KIF20B: variants seen among roughly 807,000 people sequenced by gnomAD.
The protein encoded by KIF20B is kinesin family member 20B.
KIF20B carries 188 observed loss-of-function variants against 232.5 expected under a neutral mutation model. That is an observed-to-expected ratio of 0.81 (90% CI 0.72 to 0.91). The LOEUF (loss-of-function observed/expected upper bound fraction) is 0.91. KIF20B is among the 40% of genes least tolerant of loss of function. The pLI is 0.00. For missense variants in KIF20B, 2,154 were observed against 2,055.9 expected, an observed-to-expected ratio of 1.05 and a Z score of -0.92; for synonymous variants, 712 against 683.0, an observed-to-expected ratio of 1.04 and a Z score of -0.66.
At position 89,752,610 on chromosome 10, in the gene KIF20B, A is replaced by C; in HGVS notation, c.4266A>C (p.Lys1422Asn). The change falls in exon 25 of 33, where the codon AAA becomes AAC. Residue 1422 changes from lysine to asparagine, a missense_variant. By Grantham distance (94) the Lys-to-Asn change is moderately conservative (BLOSUM62 0). Coordinates refer to ENST00000371728, the MANE Select transcript of KIF20B (RefSeq NM_001284259.2). ...WKEKCNDLET[K>N]NNQRSNKEHE... ...AAAAATGCAATGATTTGGAAACCAA[A>C]AACAATCAAAGGTCAAATAAAGAAC... The C allele has an allele frequency of 6.2e-7, 1 of 1,606,292 alleles. No homozygotes were observed. Among genetic ancestry groups the C allele is most frequent in the Non-Finnish European group, 8.5e-7 (1 of 1,176,470 alleles).
intron 31 of KIF20B, 37 bp downstream of exon 31, chr10:89,768,925 A>G: frequency 6.6e-7 from 1 of 1,523,648 alleles, no homozygotes; most frequent in Non-Finnish European, 8.9e-7. Flanking sequence ...TTTTTTTGTT[A>G]GATGTTGGGT....
intron 2 of KIF20B, among the ~76,000 whole-genome samples, chr10:89,708,220 T>C (rs941416007): frequency 5.9e-5 from 9 of 152,158 alleles, no homozygotes; most frequent in Non-Finnish European, 1.0e-4. Context: ...TTGTATTTTT[T>C]TTTTTTTTGA....
At chr10:89,707,531 C>G (rs185414709) in intron 2 of KIF20B, among the ~76,000 whole-genome samples, 17 of 148,428 alleles carry the variant, frequency 1.1e-4, no homozygotes, top group Non-Finnish European at 1.3e-4. Context: ...TTTCTTTCCC[C>G]TCCTCTCCCC....
At chr10:89,731,412 T>C (rs1270868687) in intron 18 of KIF20B, among the ~76,000 whole-genome samples, 2 of 152,216 alleles carry the variant, frequency 1.3e-5, no homozygotes, top group African/African-American at 4.8e-5. Flanking sequence ...GTGTGCTAAA[T>C]TTAAATTGTT....
intron 26 of KIF20B, among the ~76,000 whole-genome samples, chr10:89,757,038 GTGTATATATATATA>G (rs1316104089): frequency 1.3e-5 from 1 of 79,074 alleles, no homozygotes; most frequent in African/African-American, 4.1e-5. Context: ...GTGTGTGTGT[GTGTATATATATATA>G]TATATATATA....
chr10:89,733,143 C>T, intron 19 of KIF20B, 87 bp downstream of exon 19: 1 of 1,346,142 alleles, frequency 7.4e-7, no homozygotes, highest in Non-Finnish European at 1.0e-6. Context: ...GGGGCATTCA[C>T]TTGTCTAAGG....
chr10:89,709,988 A>G lies in KIF20B; in HGVS notation c.413A>G (p.Lys138Arg), dbSNP rs116079640. Reference sequence around the variant, plus strand: ...CAGGGTTGCATTATGCAACCAGTAAAAGACCTCTTGAAAGGACAGAGTCGT... The same window carrying G: ...CAGGGTTGCATTATGCAACCAGTAAGAGACCTCTTGAAAGGACAGAGTCGT... ...FFQGCIMQPV[K>R]DLLKGQSRLI... Residue 138 changes from lysine (K) to arginine (R), a missense_variant, in exon 5 of 33, where the codon AAA (lysine) becomes AGA (arginine). Lys to Arg is a conservative substitution (Grantham distance 26). Transcript: ENST00000371728. 5.3e-4 allele frequency: 853 copies of G among 1,613,000 alleles called. 6 individuals carry two copies. The African/African-American group carries it at 0.01, about 19-fold the overall frequency.
chr10:89,716,539 C>T lies in KIF20B; in HGVS notation c.1044C>T (p.Ser348=), dbSNP rs1449084652. The part of the protein sequence containing the change: ...SVAFTKLNNA[S]SRSHSIFTVK... Reference sequence around the variant, plus strand: ...CCTTCACAAAATTGAATAATGCTTCCAGTAGAAGGTAAAGAATAAACTCTG... The same window carrying T: ...CCTTCACAAAATTGAATAATGCTTCTAGTAGAAGGTAAAGAATAAACTCTG... Residue 348 remains serine, a synonymous_variant, in exon 9 of 33, where the codon TCC becomes TCT. Coordinates refer to ENST00000371728, the MANE Select transcript of KIF20B (RefSeq NM_001284259.2). 1.8e-5 allele frequency: 26 copies of T among 1,480,532 alleles called. No homozygotes were observed. The highest frequency in any genetic ancestry group is 2.3e-5 in the Non-Finnish European group (25 of 1,069,980). 91.7% of individuals were successfully genotyped at this position (1,480,532 alleles called of 1,614,324 possible). A position where few individuals can be genotyped will look rare whatever the true frequency, so the allele number is the denominator to read the frequency against.
chr10:89,726,271 A>AT (rs1564662899), intron 15 of KIF20B, 22 bp from the exon 16 acceptor site: 5 of 1,538,326 alleles, frequency 3.3e-6, no homozygotes, highest in Non-Finnish European at 4.4e-6. Flanking sequence ...AATATTAGGC[A>AT]TGTGGTTTTT....
chr10:89,758,739 A>G lies in KIF20B; in HGVS notation c.4537A>G (p.Ser1513Gly), dbSNP rs769390762. 11 of 1,605,554 alleles carry G rather than the reference A, an allele frequency of 6.9e-6. No homozygotes were observed. Among genetic ancestry groups the G allele is most frequent in the East Asian group, 6.8e-5 (3 of 44,396 alleles). ...ILTAQLTEKD[S>G]DLQKWREERD... is the part of the protein sequence containing the mutation. ...GACAGCCCAGCTGACAGAGAAAGAT[A>G]GTGACCTTCAAAAGTGGCGAGAAGA... Residue 1513 changes from serine (S) to glycine (G), a missense_variant, in exon 27 of 33, where the codon AGT becomes GGT. Transcript: ENST00000371728.
Position 89,758,983 on chromosome 10 carries a change from A to G in KIF20B, c.4680+101A>G, listed in dbSNP as rs1164286288. 8 of 623,492 alleles carry G rather than the reference A, an allele frequency of 1.3e-5. No individual in the cohort carries two copies. In the East Asian group the frequency reaches 2.0e-4, roughly 16 times the overall value. 38.6% of individuals were successfully genotyped at this position (623,492 alleles called of 1,614,324 possible). On this transcript the variant is annotated intron_variant, in intron 27 of 32. Transcript: ENST00000371728. ...AAAGTGTAAGTCTCAATAGACCAAA[A>G]AGGAATCAGAGTATTTAAAATGTGG...
At chr10:89,724,900 C>A (rs1011988706) in intron 14 of KIF20B, 120 bp from the exon 15 acceptor site, 31 of 939,972 alleles carry the variant, frequency 3.3e-5, no homozygotes, top group Non-Finnish European at 4.8e-5. Flanking sequence ...CAGGCGTGAA[C>A]CACTGTACCT....
At position 89,737,814 on chromosome 10, in the gene KIF20B, A is replaced by T. The variant is rs373614828; in HGVS notation, c.2973A>T (p.Glu991Asp). 3.7e-5 allele frequency: 60 copies of T among 1,613,330 alleles called. 1 individual carries two copies. In the East Asian group the frequency reaches 7.8e-4, roughly 21 times the overall value. Residue 991 changes from glutamate to aspartate, a missense_variant, in exon 20 of 33, where the codon GAA (glutamate) becomes GAT (aspartate). Physicochemically the swap from Glu to Asp is conservative, Grantham distance 45. Coordinates refer to ENST00000371728, the MANE Select transcript of KIF20B (RefSeq NM_001284259.2). ...AATTAATGCACACGAAAATAGACGAACTACGTACTCTTGATTCAGTTTCTC... is the reference window on the plus strand; with the variant it reads ...AATTAATGCACACGAAAATAGACGATCTACGTACTCTTGATTCAGTTTCTC... ...QIKLMHTKIDELRTLDSVSQI... is the reference protein window; with the variant it reads ...QIKLMHTKIDDLRTLDSVSQI...
intron 20 of KIF20B, 40 bp from the exon 21 acceptor site, chr10:89,738,918 A>C: frequency 6.3e-7 from 1 of 1,586,200 alleles, no homozygotes; most frequent in Non-Finnish European, 8.6e-7. Context: ...CTAAGCAGTT[A>C]ATGATGCATT....
rs1386359342 is a variant in KIF20B at position 89,754,551 on chromosome 10, A to G, written c.4381A>G (p.Lys1461Glu). The G allele has an allele frequency of 6.2e-7, 1 of 1,601,340 alleles. No individual in the cohort carries two copies. Among genetic ancestry groups the G allele is most frequent in the Non-Finnish European group, 8.5e-7 (1 of 1,172,908 alleles). The change falls in exon 26 of 33, where the codon AAA becomes GAA. Residue 1461 changes from lysine (K) to glutamate (E), a missense_variant. Physicochemically the swap from Lys to Glu is moderately conservative, Grantham distance 56. Transcript: ENST00000371728. ...SEQKYNADRKKWLEEKMMLIT... is the reference protein window; with the variant it reads ...SEQKYNADRKEWLEEKMMLIT... ...ACAGAAATATAATGCTGATAGAAAG[A>G]AATGGTTAGAAGAAAAAATGATGCT...
intron 28 of KIF20B, among the ~76,000 whole-genome samples, chr10:89,761,822 C>T (rs1184852148): frequency 7.2e-5 from 11 of 152,164 alleles, no homozygotes. Context: ...ATTTCTTTCT[C>T]CATAAATTTA....
intron 26 of KIF20B, among the ~76,000 whole-genome samples, chr10:89,757,775 G>A (rs1334523446): frequency 6.6e-6 from 1 of 150,598 alleles, no homozygotes; most frequent in Non-Finnish European, 1.5e-5. Flanking sequence ...CACTTTTGTC[G>A]TAAATCATTT....
At position 89,746,450 on chromosome 10, in the gene KIF20B, G is replaced by A. The variant is rs546037513; in HGVS notation, c.4096+491G>A. ...CTCTGACTGCCCGCAACCAAATTCC[G>A]TGTCATCTCACAGTAGATGGCCTGC... On this transcript the variant is annotated intron_variant, in intron 23 of 32. Coordinates refer to ENST00000371728, the MANE Select transcript of KIF20B (RefSeq NM_001284259.2). 7.2e-4 allele frequency among the ~76,000 whole-genome samples: 109 copies of A among 152,300 alleles called. No homozygotes were observed. The South Asian group carries it at 0.015, about 21-fold the overall frequency.
At chr10:89,719,807 G>C in intron 13 of KIF20B, 101 bp downstream of exon 13, 1 of 937,446 alleles carries the variant, frequency 1.1e-6, no homozygotes. Flanking sequence ...ACAGTACACT[G>C]AAGTTTTTGT....
Sources: allele counts gnomAD v4.1 joint callset (sites outside exome capture counted in the v4.1 genomes callset), GRCh38; gene constraint gnomAD v4.1.1; transcripts MANE v1.5; gene names NCBI Gene and HGNC (gene_info 2026-07-23, HGNC 2026-07-21).